Variants in CCNJL observed in about 807,000 individuals in gnomAD.
CCNJL encodes the protein cyclin-J-like protein.
Under a neutral mutation model 33.4 loss-of-function variants are expected in CCNJL, and 33 were observed. The ratio of observed to expected loss-of-function variants is 0.99; its 90% confidence interval spans 0.75 to 1.32. The LOEUF (loss-of-function observed/expected upper bound fraction) is 1.32, where lower values mean the gene tolerates loss of function less well. Among genes scored for constraint, CCNJL ranks in the 40% most tolerant of loss-of-function variants. The probability of loss-of-function intolerance (pLI) is 0.00; values close to 1 mark genes in which losing one functional copy is unlikely to be tolerated. For synonymous variants in CCNJL, 227 were observed against 220.9 expected, an observed-to-expected ratio of 1.03 and a Z score of -0.24; for missense variants, 512 against 499.7, an observed-to-expected ratio of 1.02 and a Z score of -0.23.
chr5:160,282,457 G>A (rs1561790744), intron 2 of CCNJL, among the ~76,000 whole-genome samples: 1 of 152,144 alleles, frequency 6.6e-6, no homozygotes, highest in Non-Finnish European at 1.5e-5. Context: ...AAATACATAA[G>A]TTGAATTTCA....
rs1580939211 is a variant in CCNJL at position 160,254,517 on chromosome 5, G to A, written c.744-719C>T. ...TAGGACTGACTTTTCAGAGGAATGA[G>A]ATAAAGACAGCTGCCAGCAAAGCTT... is the stretch of plus-strand genomic sequence containing the variant. On this transcript the variant is annotated intron_variant, in intron 5 of 5. Coordinates refer to ENST00000257536, the MANE Select transcript of CCNJL (RefSeq NM_001308173.3). The A allele has an allele frequency of 3.0e-5, 13 of 436,718 alleles. No homozygotes were observed. The East Asian group carries it at 4.6e-4, about 15-fold the overall frequency. 27.1% of individuals were successfully genotyped at this position (436,718 alleles called of 1,614,324 possible). A position where few individuals can be genotyped will look rare whatever the true frequency, so the allele number is the denominator to read the frequency against.
At position 160,259,440 on chromosome 5, in the gene CCNJL, A is replaced by G. The variant is rs865800236; in HGVS notation, c.583+29T>C. 4 of 1,584,096 alleles carry G rather than the reference A, an allele frequency of 2.5e-6. No individual in the cohort carries two copies. The African/African-American group carries it at 4.0e-5, about 16-fold the overall frequency. On this transcript the variant is annotated intron_variant, in intron 4 of 5. Transcript: ENST00000257536. Reference sequence around the variant, plus strand: ...CCCTGGGTGGTGGGGAAGGGGTGGGAGGTCCTGCCATCGGGTCCCAGCTGT... The same window carrying G: ...CCCTGGGTGGTGGGGAAGGGGTGGGGGGTCCTGCCATCGGGTCCCAGCTGT...
chr5:160,253,201 G>T lies in CCNJL; in HGVS notation c.*177C>A. 1 of 532,516 alleles carries T rather than the reference G, an allele frequency of 1.9e-6. No homozygotes were observed. The highest frequency in any genetic ancestry group is 3.6e-5 in the South Asian group (1 of 27,934). The allele number at this position is 532,516 out of a possible 1,614,324, so 33.0% of individuals were successfully genotyped here. A position where few individuals can be genotyped will look rare whatever the true frequency, so the allele number is the denominator to read the frequency against. On this transcript the variant is annotated 3_prime_UTR_variant, in exon 6 of 6. Coordinates refer to ENST00000257536, the MANE Select transcript of CCNJL (RefSeq NM_001308173.3). The stretch of plus-strand genomic sequence containing the variant: ...TCTCAGAGGAATGCTCTCGGGTGAG[G>T]TATGTTATTGAATGTTTTGCTCTGG...
At chr5:160,318,921 C>A (rs1227845793) in intron 1 of CCNJL, among the ~76,000 whole-genome samples, 1 of 152,040 alleles carries the variant, frequency 6.6e-6, no homozygotes, top group African/African-American at 2.4e-5. Flanking sequence ...TTGAATTTTT[C>A]TTTGCTGAAA....
chr5:160,290,001 GA>G (rs1452901914), intron 2 of CCNJL, among the ~76,000 whole-genome samples: 2 of 152,174 alleles, frequency 1.3e-5, no homozygotes, highest in African/African-American at 4.8e-5. Context: ...GGAGGGGGAG[GA>G]AAAAATTCAG....
At chr5:160,322,115 A>T (rs1763472721) in intron 1 of CCNJL, among the ~76,000 whole-genome samples, 1 of 152,162 alleles carries the variant, frequency 6.6e-6, no homozygotes, top group Admixed American at 6.5e-5. Context: ...AGCCTATAGG[A>T]TCTGCTGATG....
intron 2 of CCNJL, among the ~76,000 whole-genome samples, chr5:160,282,812 A>G (rs1476076343): frequency 6.6e-6 from 1 of 151,172 alleles, no homozygotes; most frequent in Non-Finnish European, 1.5e-5. Flanking sequence ...AAAACTGAAA[A>G]TGTATATACA....
chr5:160,253,372 G>A lies in CCNJL; in HGVS notation c.*6C>T. 1 of 1,567,798 alleles carries A rather than the reference G, an allele frequency of 6.4e-7. No individual in the cohort carries two copies. The highest frequency in any genetic ancestry group is 8.7e-7 in the Non-Finnish European group (1 of 1,153,458). On this transcript the variant is annotated 3_prime_UTR_variant, in exon 6 of 6. Coordinates refer to ENST00000257536, the MANE Select transcript of CCNJL (RefSeq NM_001308173.3). ...CCAAGGCTTCCTCGTGAGGTCTGGA[G>A]GTGGCCTATCTGTCAAAGCAGCCGG...
At chr5:160,318,689 G>C (rs1294287856) in intron 1 of CCNJL, among the ~76,000 whole-genome samples, 3 of 152,242 alleles carry the variant, frequency 2.0e-5, no homozygotes, top group Admixed American at 1.3e-4. Flanking sequence ...AGAGCGTGTT[G>C]ATTGGATGTG....
Position 160,306,270 on chromosome 5 carries a change from C to CAAA in CCNJL, c.66+5585_66+5587dup, listed in dbSNP as rs35956418. Reference sequence around the variant, plus strand: ...TGGGTGACAGAGCAAGACTCCGTCTCAAAAAAAAAAAAAAAAAAAAAAGCG... The same window carrying CAAA: ...TGGGTGACAGAGCAAGACTCCGTCTCAAAAAAAAAAAAAAAAAAAAAAAAAGCG... On this transcript the variant is annotated intron_variant, in intron 2 of 5. Transcript: ENST00000257536. Among the ~76,000 whole-genome samples, 112 of 68,556 alleles carry CAAA rather than the reference C, an allele frequency of 1.6e-3. 1 individual carries two copies. Among genetic ancestry groups the CAAA allele is most frequent in the Middle Eastern group, 8.5e-3 (1 of 118 alleles). The allele number at this position is 68,556 out of a possible 152,430, so 45.0% of individuals were successfully genotyped here. A position where few individuals can be genotyped will look rare whatever the true frequency, so the allele number is the denominator to read the frequency against.
intron 1 of CCNJL, among the ~76,000 whole-genome samples, chr5:160,331,271 T>C (rs1763604797): frequency 6.6e-6 from 1 of 150,376 alleles, no homozygotes; most frequent in South Asian, 2.1e-4. Flanking sequence ...TCGCCCAGGC[T>C]GGAGTGCGGT....
intron 1 of CCNJL, chr5:160,327,054 C>T (rs185762329): frequency 5.7e-4 from 216 of 375,846 alleles, no homozygotes; most frequent in Middle Eastern, 5.3e-3. Flanking sequence ...AACATTTATT[C>T]GTATTGTTTT....
chr5:160,280,879 G>C, intron 2 of CCNJL, 141 bp from the exon 3 acceptor site: 2 of 719,308 alleles, frequency 2.8e-6, no homozygotes, highest in Non-Finnish European at 2.5e-6. Context: ...GCAAGTCCCA[G>C]GATGGCAGCC....
chr5:160,320,842 TTTCTTTCC>T (rs1334646410), intron 1 of CCNJL, among the ~76,000 whole-genome samples: 7,039 of 82,336 alleles, frequency 0.085, 188 homozygotes, highest in Middle Eastern at 0.16. Context: ...TCTTTCTTTC[TTTCTTTCC>T]TTCTTTCTTT....
Position 160,289,059 on chromosome 5 carries a change from C to T in CCNJL, c.67-8321G>A, listed in dbSNP as rs548959062. 7.2e-5 allele frequency among the ~76,000 whole-genome samples: 11 copies of T among 152,238 alleles called. No individual in the cohort carries two copies. In the South Asian group the frequency reaches 1.0e-3, roughly 14 times the overall value. ...TTTCCACCGTAAGGTTGTGCCATGA[C>T]GTCATCAAACCCAGATTTTGGGCAT... On this transcript the variant is annotated intron_variant, in intron 2 of 5. Transcript: ENST00000257536.
intron 2 of CCNJL, among the ~76,000 whole-genome samples, chr5:160,308,438 T>G (rs1367960216): frequency 6.6e-6 from 1 of 152,150 alleles, no homozygotes; most frequent in African/African-American, 2.4e-5. Context: ...TATTCTAGTG[T>G]GGGAAGAAAG....
chr5:160,278,386 T>C (rs1308875574), intron 3 of CCNJL, among the ~76,000 whole-genome samples: 1 of 151,968 alleles, frequency 6.6e-6, no homozygotes, highest in African/African-American at 2.4e-5. Context: ...TCAGAATAAT[T>C]TGGTACCAAA....
chr5:160,296,038 C>T (rs1329950625), intron 2 of CCNJL, among the ~76,000 whole-genome samples: 1 of 152,326 alleles, frequency 6.6e-6, no homozygotes, highest in African/African-American at 2.4e-5. Context: ...CAATTGTGTA[C>T]ACAATTTTTG....
chr5:160,309,387 C>G (rs566310459), intron 2 of CCNJL, among the ~76,000 whole-genome samples: 2 of 152,166 alleles, frequency 1.3e-5, no homozygotes, highest in African/African-American at 4.8e-5. Context: ...CCTCCTGTGT[C>G]GGTCAGGTGA....
Sources: gnomAD v4.1 joint callset for allele counts (sites outside exome capture counted in the v4.1 genomes callset) on GRCh38, gnomAD v4.1.1 for gene constraint, MANE v1.5 for transcripts, NCBI Gene and HGNC (gene_info 2026-07-23, HGNC 2026-07-21) for gene names.